The following TNFSF13B variants were observed in gnomAD, a reference collection of about 807,000 sequenced individuals.
TNFSF13B encodes TNF superfamily member 13b.
Under a neutral mutation model 29.1 loss-of-function variants are expected in TNFSF13B, and 8 were observed. That is an observed-to-expected ratio of 0.27 (90% CI 0.16 to 0.50). TNFSF13B has a LOEUF of 0.50. Among genes scored for constraint, TNFSF13B ranks in the 20% least tolerant of loss-of-function variants. The pLI is 0.98. For synonymous variants in TNFSF13B, 125 were observed against 130.8 expected (o/e 0.96, Z 0.30); for missense variants, 248 against 334.9 (o/e 0.74, Z 2.03).
At chr13:108,301,041 A>C (rs1881608551) in intron 3 of TNFSF13B, among the ~76,000 whole-genome samples, 1 of 152,248 alleles carries the variant, frequency 6.6e-6, no homozygotes, top group African/African-American at 2.4e-5. Flanking sequence ...TACTCCTTAG[A>C]AACAATCAGA....
chr13:108,305,629 C>T (rs1016975149), intron 5 of TNFSF13B, among the ~76,000 whole-genome samples: 1 of 152,060 alleles, frequency 6.6e-6, no homozygotes, highest in African/African-American at 2.4e-5. Context: ...TAAGGTAGTC[C>T]TCAAAGGCTT....
Position 108,279,101 on chromosome 13 carries a change from C to T in TNFSF13B, c.425-7702C>T, listed in dbSNP as rs1880858251. Among the ~76,000 whole-genome samples, 5 of 152,232 alleles carry T rather than the reference C, an allele frequency of 3.3e-5. No homozygotes were observed. In the South Asian group the frequency reaches 1.0e-3, roughly 32 times the overall value. On this transcript the variant is annotated intron_variant, in intron 2 of 5. Transcript: ENST00000375887. ...TCCCTCAAGCAATGACTTGATTTAA[C>T]ACATTTCATAAAGCTGGATTTAGTG... is the stretch of plus-strand genomic sequence containing the variant.
At chr13:108,290,636 A>T (rs1220581983) in intron 3 of TNFSF13B, among the ~76,000 whole-genome samples, 3 of 149,562 alleles carry the variant, frequency 2.0e-5, no homozygotes, top group African/African-American at 7.4e-5. Context: ...TTTTCGTTGG[A>T]CTTGGTCATT....
chr13:108,272,603 T>G (rs1880650324), intron 2 of TNFSF13B, among the ~76,000 whole-genome samples: 1 of 152,096 alleles, frequency 6.6e-6, no homozygotes, highest in African/African-American at 2.4e-5. Flanking sequence ...ATGTATTAAA[T>G]AGTTCTTTTT....
chr13:108,303,044 A>G (rs1356772368), intron 3 of TNFSF13B, among the ~76,000 whole-genome samples: 2 of 152,208 alleles, frequency 1.3e-5, no homozygotes, highest in Admixed American at 6.5e-5. Context: ...TGTATCTGAT[A>G]TATTAACCCA....
In TNFSF13B at chr13:108,299,297, G is replaced by A. The variant is rs533192652; in HGVS notation, c.482-3956G>A. Among the ~76,000 whole-genome samples, 15 of 145,186 alleles carry A rather than the reference G, an allele frequency of 1.0e-4. No individual in the cohort carries two copies. In the South Asian group the frequency reaches 1.1e-3, roughly 10 times the overall value. ...AATAATGACTTTATTCTTTTGGTCC[G>A]CTGAGTAGTTCATAATTTTCTCTTT... On this transcript the variant is annotated intron_variant, in intron 3 of 5. Transcript: ENST00000375887.
At chr13:108,280,716 C>CCT in intron 2 of TNFSF13B, among the ~76,000 whole-genome samples, 1 of 143,040 alleles carries the variant, frequency 7.0e-6, no homozygotes, top group East Asian at 2.0e-4. Context: ...CATGATAATG[C>CCT]TTTTTTTTTT....
At chr13:108,288,571 A>G (rs532058972) in intron 3 of TNFSF13B, among the ~76,000 whole-genome samples, 1 of 152,256 alleles carries the variant, frequency 6.6e-6, no homozygotes, top group South Asian at 2.1e-4. Context: ...TGAATACTGG[A>G]ATGAAGTATG....
chr13:108,289,194 A>G (rs1207923847), intron 3 of TNFSF13B, among the ~76,000 whole-genome samples: 1 of 151,908 alleles, frequency 6.6e-6, no homozygotes, highest in Non-Finnish European at 1.5e-5. Context: ...AATTGCACCA[A>G]ATTATGCAGC....
At chr13:108,298,060 T>C (rs1387525627) in intron 3 of TNFSF13B, among the ~76,000 whole-genome samples, 1 of 146,084 alleles carries the variant, frequency 6.8e-6, no homozygotes, top group Non-Finnish European at 1.5e-5. Flanking sequence ...GTTGTTGGAA[T>C]TGCACAGTAT....
intron 2 of TNFSF13B, among the ~76,000 whole-genome samples, chr13:108,283,274 A>G (rs892692587): frequency 3.9e-5 from 6 of 152,262 alleles, no homozygotes; most frequent in Non-Finnish European, 2.9e-5. Context: ...TGTCTGGAAC[A>G]AGGACAATTA....
chr13:108,291,447 CTTA>C (rs1881309583), intron 3 of TNFSF13B, among the ~76,000 whole-genome samples: 1 of 151,494 alleles, frequency 6.6e-6, no homozygotes. Flanking sequence ...TTGCATATTT[CTTA>C]TTAATATCAT....
chr13:108,290,991 G>A (rs1352262766), intron 3 of TNFSF13B, among the ~76,000 whole-genome samples: 4 of 150,866 alleles, frequency 2.7e-5, no homozygotes, highest in African/African-American at 4.9e-5. Flanking sequence ...TTTTTTAATC[G>A]CCCATCTTTT....
At chr13:108,277,735 T>C (rs988038798) in intron 2 of TNFSF13B, among the ~76,000 whole-genome samples, 3 of 152,174 alleles carry the variant, frequency 2.0e-5, no homozygotes, top group African/African-American at 7.2e-5. Context: ...TTAGACCATA[T>C]AGTGTAACTT....
rs993390266 is a variant in TNFSF13B, at chr13:108,303,690, G to A, written c.745+86G>A. 1.4e-5 allele frequency: 20 copies of A among 1,380,668 alleles called. No individual in the cohort carries two copies. In the African/African-American group the frequency reaches 2.9e-4, roughly 20 times the overall value. The allele number at this position is 1,380,668 out of a possible 1,614,324, so 85.5% of individuals were successfully genotyped here. On this transcript the variant is annotated intron_variant, in intron 5 of 5. Coordinates refer to ENST00000375887, the MANE Select transcript of TNFSF13B (RefSeq NM_006573.5). ...GAGCTGCAAAATGCAAAAATGAAAG[G>A]ATGGTGCCCTAAAATACAAATAGAC...
chr13:108,286,476 C>T (rs1881137091), intron 2 of TNFSF13B, among the ~76,000 whole-genome samples: 1 of 151,926 alleles, frequency 6.6e-6, no homozygotes. Context: ...TTAACTGTTT[C>T]ATGTATTTGG....
chr13:108,278,840 C>T (rs539908096), intron 2 of TNFSF13B, among the ~76,000 whole-genome samples: 2 of 152,096 alleles, frequency 1.3e-5, no homozygotes, highest in South Asian at 4.2e-4. Context: ...TTTTTCTCTT[C>T]TATCTGCCCC....
chr13:108,305,735 C>G (rs1881755198), intron 5 of TNFSF13B, among the ~76,000 whole-genome samples: 2 of 152,070 alleles, frequency 1.3e-5, no homozygotes, highest in South Asian at 4.1e-4. Context: ...AAAAGCATAC[C>G]CAGTGGGGAT....
At position 108,271,444 on chromosome 13, in the gene TNFSF13B, TCACACACACACACACACACA is replaced by T. The variant is rs59438208; in HGVS notation, c.424+1046_424+1065del. On this transcript the variant is annotated intron_variant, in intron 2 of 5. Coordinates refer to ENST00000375887, the MANE Select transcript of TNFSF13B (RefSeq NM_006573.5). ...GAGAGATAGACCAGGGACCCTTCTA[TCACACACACACACACACACA>T]CACACACACACACACACACACACAC... Among the ~76,000 whole-genome samples the T allele has an allele frequency of 1.7e-3, 240 of 143,000 alleles. 1 individual carries two copies. Among genetic ancestry groups the T allele is most frequent in the African/African-American group, 5.5e-3 (213 of 38,430 alleles). 93.8% of individuals were successfully genotyped at this position (143,000 alleles called of 152,430 possible). A position where few individuals can be genotyped will look rare whatever the true frequency, so the allele number is the denominator to read the frequency against.
Sources: gnomAD v4.1 joint callset for allele counts (sites outside exome capture counted in the v4.1 genomes callset) on GRCh38, gnomAD v4.1.1 for gene constraint, MANE v1.5 for transcripts, NCBI Gene and HGNC (gene_info 2026-07-23, HGNC 2026-07-21) for gene names.